Variants in GABRA2 observed in about 807,000 individuals in gnomAD.
GABRA2 encodes the protein gamma-aminobutyric acid receptor subunit alpha-2.
In GABRA2, 16 loss-of-function variants were observed where a neutral mutation model predicts 48.7. That is an observed-to-expected ratio of 0.33 (90% CI 0.22 to 0.50). The LOEUF (loss-of-function observed/expected upper bound fraction) is 0.50, where lower values mean the gene tolerates loss of function less well. Among genes scored for constraint, GABRA2 ranks in the 20% least tolerant of loss-of-function variants. The pLI is 0.98. For missense variants in GABRA2, 275 were observed against 535.6 expected (o/e 0.51, Z 4.80); for synonymous variants, 185 against 184.5 (o/e 1.00, Z -0.02).
At chr4:46,356,666 A>G (rs1269961014) in intron 3 of GABRA2, among the ~76,000 whole-genome samples, 1 of 152,152 alleles carries the variant, frequency 6.6e-6, no homozygotes, top group African/African-American at 2.4e-5. Flanking sequence ...TGGCCTCAAG[A>G]TTAGTATATT....
intron 8 of GABRA2, among the ~76,000 whole-genome samples, chr4:46,286,145 C>A (rs183012104): frequency 1.3e-5 from 2 of 151,966 alleles, no homozygotes; most frequent in Admixed American, 1.3e-4. Context: ...AACCACTGAA[C>A]CATTTCTGTC....
intron 3 of GABRA2, among the ~76,000 whole-genome samples, chr4:46,377,952 T>C: frequency 6.7e-6 from 1 of 149,234 alleles, no homozygotes; most frequent in African/African-American, 2.5e-5. Context: ...GGAGCCCCTC[T>C]GCCCGGCCAG....
At chr4:46,368,095 G>A (rs1489174275) in intron 3 of GABRA2, 1 of 152,114 alleles carries the variant, frequency 6.6e-6, no homozygotes, top group Non-Finnish European at 1.5e-5. Context: ...CCTAAGTGAG[G>A]AAGACATAAA....
chr4:46,381,136 G>A (rs778167691), intron 3 of GABRA2, among the ~76,000 whole-genome samples: 14 of 152,090 alleles, frequency 9.2e-5, no homozygotes, highest in Non-Finnish European at 1.6e-4. Context: ...AGATTTCAAG[G>A]CTTGTCATAG....
chr4:46,383,202 A>AT (rs1463352904), intron 3 of GABRA2, among the ~76,000 whole-genome samples: 1 of 152,192 alleles, frequency 6.6e-6, no homozygotes, highest in Non-Finnish European at 1.5e-5. Context: ...TATTATATTT[A>AT]ATATTCATAA....
chr4:46,294,176 G>A (rs1299637384), intron 8 of GABRA2, among the ~76,000 whole-genome samples: 3 of 152,084 alleles, frequency 2.0e-5, no homozygotes, highest in African/African-American at 7.2e-5. Context: ...AATCACTTTG[G>A]CTTCCACAAG....
At chr4:46,387,256 G>T (rs930025130) in intron 2 of GABRA2, among the ~76,000 whole-genome samples, 3 of 152,152 alleles carry the variant, frequency 2.0e-5, no homozygotes, top group African/African-American at 7.2e-5. Context: ...GATTTTCAAT[G>T]ATTATTAATT....
At chr4:46,280,925 C>A (rs931702640) in intron 8 of GABRA2, among the ~76,000 whole-genome samples, 26 of 152,090 alleles carry the variant, frequency 1.7e-4, no homozygotes, top group African/African-American at 5.8e-4. Context: ...GAGATGGTGA[C>A]CATCTATAAG....
intron 7 of GABRA2, among the ~76,000 whole-genome samples, chr4:46,304,471 G>GT (rs1043038611): frequency 3.3e-5 from 5 of 151,480 alleles, no homozygotes; most frequent in East Asian, 1.9e-4. Flanking sequence ...TTTTGTTTTT[G>GT]TTTTTTTGTC....
intron 3 of GABRA2, among the ~76,000 whole-genome samples, chr4:46,354,070 C>G (rs142540052): frequency 6.6e-6 from 1 of 152,220 alleles, no homozygotes; most frequent in Non-Finnish European, 1.5e-5. Context: ...TGCATTCTAC[C>G]TGCCAGTGCT....
intron 5 of GABRA2, among the ~76,000 whole-genome samples, chr4:46,310,521 C>G (rs1206652464): frequency 6.6e-6 from 1 of 152,072 alleles, no homozygotes; most frequent in African/African-American, 2.4e-5. Context: ...ATTACATATG[C>G]ATTTTAAATG....
At chr4:46,296,833 C>A (rs1398605824) in intron 8 of GABRA2, among the ~76,000 whole-genome samples, 2 of 152,110 alleles carry the variant, frequency 1.3e-5, no homozygotes, top group Non-Finnish European at 2.9e-5. Context: ...AATGTTTGTG[C>A]ATGTATACAC....
chr4:46,319,080 AGT>A (rs1377181722), intron 4 of GABRA2, among the ~76,000 whole-genome samples: 6 of 151,904 alleles, frequency 3.9e-5, no homozygotes, highest in African/African-American at 1.4e-4. Context: ...AAACTCCTTA[AGT>A]GTTATATCCA....
chr4:46,360,634 T>C (rs1713030838), intron 3 of GABRA2, among the ~76,000 whole-genome samples: 1 of 152,160 alleles, frequency 6.6e-6, no homozygotes, highest in African/African-American at 2.4e-5. Context: ...AGTGGGGTGC[T>C]CCTTAAAAGA....
At chr4:46,355,467 T>C (rs1007820249) in intron 3 of GABRA2, among the ~76,000 whole-genome samples, 3 of 152,162 alleles carry the variant, frequency 2.0e-5, no homozygotes, top group African/African-American at 7.2e-5. Context: ...CTCCATTTTT[T>C]CCCCCAGTAG....
intron 8 of GABRA2, among the ~76,000 whole-genome samples, chr4:46,292,820 G>A (rs957116864): frequency 6.6e-6 from 1 of 152,120 alleles, no homozygotes; most frequent in African/African-American, 2.4e-5. Context: ...ACATACCCTT[G>A]ACCAATGCTT....
chr4:46,351,496 T>C (rs1053394137), intron 3 of GABRA2, among the ~76,000 whole-genome samples: 5 of 152,030 alleles, frequency 3.3e-5, no homozygotes, highest in African/African-American at 1.2e-4. Context: ...TCTAAATCTG[T>C]CTCTGAATCC....
intron 8 of GABRA2, among the ~76,000 whole-genome samples, chr4:46,283,864 A>T (rs1404013865): frequency 6.6e-6 from 1 of 152,122 alleles, no homozygotes; most frequent in Non-Finnish European, 1.5e-5. Context: ...GGTTCATGCC[A>T]TTCTCCTGCC....
intron 8 of GABRA2, among the ~76,000 whole-genome samples, chr4:46,287,746 T>A (rs1022833301): frequency 1.3e-5 from 2 of 151,610 alleles, no homozygotes; most frequent in African/African-American, 2.4e-5. Flanking sequence ...AACCTGCACA[T>A]TGTGCACATG....
Sources: allele counts gnomAD v4.1 joint callset (sites outside exome capture counted in the v4.1 genomes callset), GRCh38; gene constraint gnomAD v4.1.1; transcripts MANE v1.5; gene names NCBI Gene and HGNC (gene_info 2026-07-23, HGNC 2026-07-21).